The following ATRNL1 variants were observed in gnomAD, a reference collection of about 807,000 sequenced individuals.
ATRNL1 encodes attractin-like protein 1.
Under a neutral mutation model 182.7 loss-of-function variants are expected in ATRNL1, and 95 were observed. The ratio of observed to expected loss-of-function variants is 0.52; its 90% CI spans 0.44 to 0.62. ATRNL1 has a LOEUF of 0.62. ATRNL1 is among the 20% of genes least tolerant of loss of function. The pLI, the probability that ATRNL1 is intolerant of heterozygous loss-of-function variation, is 0.00. For synonymous variants in ATRNL1, 576 were observed against 568.3 expected (o/e 1.01, Z -0.19); for missense variants, 1,471 against 1,679.5 (o/e 0.88, Z 2.17).
intron 21 of ATRNL1, among the ~76,000 whole-genome samples, chr10:115,442,277 C>CTA (rs1846726963): frequency 8.9e-6 from 1 of 112,594 alleles, no homozygotes; most frequent in Non-Finnish European, 2.3e-5. Flanking sequence ...TTTGCTCTCT[C>CTA]TCTCTCTCTC....
In ATRNL1 at chr10:115,267,596, TTAA is replaced by T. The variant is rs554265094; in HGVS notation, c.1981+595_1981+597del. On this transcript the variant is annotated intron_variant, in intron 12 of 28. Coordinates refer to ENST00000355044, the MANE Select transcript of ATRNL1 (RefSeq NM_207303.4). ...TTTTTATACATTTTTGCGGTTACAATTAATAAATGTATTTTTAAGTTTTACTAA... is the reference window on the plus strand; with the variant it reads ...TTTTTATACATTTTTGCGGTTACAATTAAATGTATTTTTAAGTTTTACTAA... Among the ~76,000 whole-genome samples, 49 of 152,234 alleles carry T rather than the reference TTAA, an allele frequency of 3.2e-4. No homozygotes were observed. In the South Asian group the frequency reaches 5.4e-3, roughly 17 times the overall value.
intron 26 of ATRNL1, among the ~76,000 whole-genome samples, chr10:115,550,858 C>T (rs1554995398): frequency 6.6e-6 from 1 of 151,674 alleles, no homozygotes; most frequent in East Asian, 1.9e-4. Context: ...AATTTATGTC[C>T]TTAATCATTA....
At chr10:115,426,093 A>C (rs1331871429) in intron 20 of ATRNL1, among the ~76,000 whole-genome samples, 157 bp from the exon 21 acceptor site, 1 of 152,022 alleles carries the variant, frequency 6.6e-6, no homozygotes, top group Non-Finnish European at 1.5e-5. Context: ...TTCAAATTTC[A>C]AACACATCTT....
chr10:115,894,180 G>T (rs1952149431), intron 28 of ATRNL1, among the ~76,000 whole-genome samples: 1 of 152,162 alleles, frequency 6.6e-6, no homozygotes, highest in East Asian at 1.9e-4. Context: ...AAAGGGCATT[G>T]TTGAAGGTCC....
At chr10:115,785,796 G>A (rs1200475243) in intron 27 of ATRNL1, among the ~76,000 whole-genome samples, 2 of 152,094 alleles carry the variant, frequency 1.3e-5, no homozygotes, top group Non-Finnish European at 2.9e-5. Context: ...TTTACCATAA[G>A]CAGTAAGAAG....
intron 19 of ATRNL1, among the ~76,000 whole-genome samples, chr10:115,366,384 C>T (rs1464662200): frequency 1.3e-5 from 2 of 151,910 alleles, no homozygotes; most frequent in African/African-American, 4.8e-5. Context: ...GATCTTCCTC[C>T]ATCCTTTTAT....
At chr10:115,282,774 T>A (rs921810036) in intron 14 of ATRNL1, among the ~76,000 whole-genome samples, 16 of 131,582 alleles carry the variant, frequency 1.2e-4, no homozygotes, top group Middle Eastern at 4.3e-3. Context: ...GTTTAGTATT[T>A]TACCTCTCTT....
intron 21 of ATRNL1, among the ~76,000 whole-genome samples, chr10:115,452,669 CTTAAG>C (rs1282266186): frequency 1.3e-5 from 2 of 152,146 alleles, no homozygotes; most frequent in African/African-American, 4.8e-5. Flanking sequence ...CATCCAACAC[CTTAAG>C]TTATTTAATT....
chr10:115,097,615 C>T (rs1230107615), intron 1 of ATRNL1, among the ~76,000 whole-genome samples: 3 of 152,086 alleles, frequency 2.0e-5, no homozygotes, highest in African/African-American at 7.2e-5. Flanking sequence ...GTAAACTCTT[C>T]CCCTAAGCTG....
chr10:115,204,475 G>A (rs1554893314), intron 8 of ATRNL1, among the ~76,000 whole-genome samples: 2 of 151,980 alleles, frequency 1.3e-5, no homozygotes, highest in African/African-American at 4.8e-5. Flanking sequence ...TACCTAATTT[G>A]CTGAGAGTTT....
intron 19 of ATRNL1, among the ~76,000 whole-genome samples, chr10:115,344,562 G>A (rs116796059): frequency 0.013 from 1,965 of 152,232 alleles, 38 homozygotes; most frequent in African/African-American, 0.044. Context: ...AGGTTCAGAA[G>A]TGCCATCCAA....
chr10:115,849,101 G>C (rs76258312), intron 28 of ATRNL1, among the ~76,000 whole-genome samples: 8,888 of 152,194 alleles, frequency 0.058, 778 homozygotes, highest in African/African-American at 0.19. Context: ...TGGGAGCAGA[G>C]AGTTTCCATC....
chr10:115,644,019 T>C (rs1359012018), intron 26 of ATRNL1, among the ~76,000 whole-genome samples: 1 of 152,162 alleles, frequency 6.6e-6, no homozygotes, highest in Non-Finnish European at 1.5e-5. Context: ...TGTGAACGTT[T>C]GTAGTGGCTT....
At chr10:115,415,107 A>G (rs1228742445) in intron 20 of ATRNL1, among the ~76,000 whole-genome samples, 1 of 151,988 alleles carries the variant, frequency 6.6e-6, no homozygotes, top group Non-Finnish European at 1.5e-5. Context: ...AGTTTTTTAG[A>G]TATTGTCAAG....
At position 115,632,979 on chromosome 10, in the gene ATRNL1, G is replaced by A. The variant is rs182611574; in HGVS notation, c.3795+83443G>A. On this transcript the variant is annotated intron_variant, in intron 26 of 28. Coordinates refer to ENST00000355044, the MANE Select transcript of ATRNL1 (RefSeq NM_207303.4). ...GCGATCCTAGCTCACTACAACCTCC[G>A]CCTCCCGGATTTAAATGATTCTCAT... Among the ~76,000 whole-genome samples the A allele has an allele frequency of 1.3e-3, 190 of 151,710 alleles. 1 individual carries two copies. The highest frequency in any genetic ancestry group is 2.6e-3 in the Admixed American group (40 of 15,190).
intron 28 of ATRNL1, among the ~76,000 whole-genome samples, chr10:115,886,344 G>A (rs143025835): frequency 3.3e-5 from 5 of 152,044 alleles, no homozygotes; most frequent in South Asian, 4.2e-4. Flanking sequence ...GAGAAACCCC[G>A]TCTCTACTAA....
rs144560697 is a variant in ATRNL1 at position 115,777,405 on chromosome 10, G to A, written c.3903+50050G>A. ...ATAACTTGATATACTAAAATATCAA[G>A]TTATTGATATTTTACCAATTTTGAC... On this transcript the variant is annotated intron_variant, in intron 27 of 28. Coordinates refer to ENST00000355044, the MANE Select transcript of ATRNL1 (RefSeq NM_207303.4). Among the ~76,000 whole-genome samples, 1,027 of 152,006 alleles carry A rather than the reference G, an allele frequency of 6.8e-3. 7 individuals are homozygous for A. Among genetic ancestry groups the A allele is most frequent in the African/African-American group, 0.021 (886 of 41,432 alleles).
chr10:115,415,971 C>A (rs1845370531), intron 20 of ATRNL1, among the ~76,000 whole-genome samples: 2 of 152,048 alleles, frequency 1.3e-5, no homozygotes, highest in South Asian at 4.1e-4. Flanking sequence ...TATTTTATAT[C>A]TTTTAGGTCT....
At chr10:115,846,836 T>C (rs1555098890) in intron 27 of ATRNL1, among the ~76,000 whole-genome samples, 2 of 152,072 alleles carry the variant, frequency 1.3e-5, no homozygotes, top group Non-Finnish European at 2.9e-5. Flanking sequence ...TGCCTGAGCT[T>C]AAATGCTAGC....
Sources: allele counts gnomAD v4.1 joint callset (sites outside exome capture counted in the v4.1 genomes callset), GRCh38; gene constraint gnomAD v4.1.1; transcripts MANE v1.5; gene names NCBI Gene and HGNC (gene_info 2026-07-23, HGNC 2026-07-21).